The following STRN variants were observed in gnomAD, a reference collection of about 807,000 sequenced individuals.
The protein encoded by STRN is protein phosphatase 2 regulatory subunit B'''alpha.
STRN carries 53 observed loss-of-function variants against 96.3 expected under a neutral mutation model. That is an observed-to-expected ratio of 0.55 (90% CI 0.44 to 0.69). The LOEUF (loss-of-function observed/expected upper bound fraction) is 0.69. Ranked by LOEUF, STRN falls within the 30% of genes least tolerant of loss-of-function variation. The pLI is 0.00. For synonymous variants in STRN, 428 were observed against 355.9 expected (o/e 1.20, Z -2.28); for missense variants, 987 against 963.9 (o/e 1.02, Z -0.32).
intron 16 of STRN, among the ~76,000 whole-genome samples, chr2:36,850,019 G>A (rs1032456983): frequency 2.0e-5 from 3 of 152,100 alleles, no homozygotes; most frequent in Admixed American, 6.5e-5. Flanking sequence ...TTACACTTTT[G>A]TCTTTTAAGC....
intron 14 of STRN, among the ~76,000 whole-genome samples, chr2:36,855,881 C>G (rs1668332072): frequency 6.6e-6 from 1 of 151,882 alleles, no homozygotes; most frequent in Non-Finnish European, 1.5e-5. Context: ...TTTTATTTAC[C>G]ATCTAGAATA....
intron 1 of STRN, among the ~76,000 whole-genome samples, chr2:36,956,378 A>G (rs1287211428): frequency 6.6e-6 from 1 of 152,246 alleles, no homozygotes; most frequent in East Asian, 1.9e-4. Flanking sequence ...GAAAAATTGT[A>G]AAATGAAAGT....
chr2:36,890,723 A>T (rs1033638544), intron 7 of STRN, among the ~76,000 whole-genome samples: 4 of 152,036 alleles, frequency 2.6e-5, no homozygotes, highest in African/African-American at 7.2e-5. Context: ...ACCTCAGGTG[A>T]TCCACCCGCC....
intron 12 of STRN, among the ~76,000 whole-genome samples, chr2:36,863,342 G>T (rs1021447136): frequency 2.6e-5 from 4 of 152,038 alleles, no homozygotes; most frequent in African/African-American, 9.7e-5. Context: ...CGTCTGAATT[G>T]ATTTTTATAT....
rs1030704072 is a variant in STRN, at chr2:36,847,339, T to C, written c.*2117A>G. The C allele has an allele frequency of 4.6e-5, 7 of 152,150 alleles. No individual in the cohort carries two copies. Among genetic ancestry groups the C allele is most frequent in the Non-Finnish European group, 1.0e-4 (7 of 68,006 alleles). The allele number at this position is 152,150 out of a possible 1,614,324, so 9.4% of individuals were successfully genotyped here. On this transcript the variant is annotated 3_prime_UTR_variant, in exon 18 of 18. Transcript: ENST00000263918. ...AGGTAATTAATAACTGGTAGAACAA[T>C]AGCTTTGTGGTCATCCATCATAAAT...
intron 9 of STRN, 49 bp from the exon 10 acceptor site, chr2:36,878,076 C>T (rs750857555): frequency 6.3e-7 from 1 of 1,597,336 alleles, no homozygotes; most frequent in Non-Finnish European, 8.5e-7. Context: ...AAGGAGCCAA[C>T]ATTTAGTCTC....
At chr2:36,945,007 GTGTA>G (rs1670942867) in intron 1 of STRN, among the ~76,000 whole-genome samples, 1 of 152,140 alleles carries the variant, frequency 6.6e-6, no homozygotes, top group African/African-American at 2.4e-5. Flanking sequence ...GTCAAATCAA[GTGTA>G]TATATAGCCA....
intron 10 of STRN, among the ~76,000 whole-genome samples, chr2:36,877,054 AC>A (rs1668933913): frequency 6.6e-6 from 1 of 152,094 alleles, no homozygotes; most frequent in African/African-American, 2.4e-5. Context: ...AGCCCTATAA[AC>A]ACATTTATAA....
chr2:36,915,228 C>CATAA (rs1194516783), intron 3 of STRN, among the ~76,000 whole-genome samples: 1 of 65,294 alleles, frequency 1.5e-5, no homozygotes, highest in African/African-American at 4.8e-5. Flanking sequence ...AAACTGAATA[C>CATAA]ATAAATATAT....
At chr2:36,918,067 T>C (rs1243785543) in intron 2 of STRN, among the ~76,000 whole-genome samples, 4 of 152,164 alleles carry the variant, frequency 2.6e-5, no homozygotes, top group African/African-American at 9.6e-5. Context: ...GTTATTTGAT[T>C]AATTAACTAT....
chr2:36,960,023 T>C lies in STRN; in HGVS notation c.234+6207A>G, dbSNP rs185223397. Among the ~76,000 whole-genome samples the C allele has an allele frequency of 1.5e-4, 23 of 152,278 alleles. No homozygotes were observed. In the East Asian group the frequency reaches 4.0e-3, roughly 27 times the overall value. On this transcript the variant is annotated intron_variant, in intron 1 of 17. Coordinates refer to ENST00000263918, the MANE Select transcript of STRN (RefSeq NM_003162.4). Reference sequence around the variant, plus strand: ...AAGCCTCTATAACCTTTCTAAAATATAAAGATTATGAAATTATCAAGAATA... The same window carrying C: ...AAGCCTCTATAACCTTTCTAAAATACAAAGATTATGAAATTATCAAGAATA...
chr2:36,914,626 A>G (rs1008691811), intron 3 of STRN, among the ~76,000 whole-genome samples: 1 of 152,172 alleles, frequency 6.6e-6, no homozygotes, highest in African/African-American at 2.4e-5. Flanking sequence ...ACACTACTAC[A>G]CTGAATTAAC....
In STRN at chr2:36,869,951, CAATT is replaced by C. The variant is rs1266771045; in HGVS notation, c.1324-226_1324-223del. ...AAATATGAAAGGTGTATTACAAAAA[CAATT>C]AACATAATTCAATATAAAAAGTGAA... On this transcript the variant is annotated intron_variant, in intron 10 of 17. Transcript: ENST00000263918. 2.0e-5 allele frequency among the ~76,000 whole-genome samples: 3 copies of C among 152,006 alleles called. No homozygotes were observed. In the East Asian group the frequency reaches 5.8e-4, roughly 29 times the overall value.
intron 5 of STRN, among the ~76,000 whole-genome samples, chr2:36,900,092 T>C (rs1156382407): frequency 6.6e-6 from 1 of 152,162 alleles, no homozygotes; most frequent in African/African-American, 2.4e-5. Flanking sequence ...TTCCACTATG[T>C]TGCCCAAACT....
At chr2:36,887,300 A>AATAT (rs1427895658) in intron 7 of STRN, among the ~76,000 whole-genome samples, 1 of 149,862 alleles carries the variant, frequency 6.7e-6, no homozygotes, top group Non-Finnish European at 1.5e-5. Flanking sequence ...TAAATAAATA[A>AATAT]ATAAATAAAT....
chr2:36,947,864 C>A (rs1488437346), intron 1 of STRN, among the ~76,000 whole-genome samples: 1 of 151,532 alleles, frequency 6.6e-6, no homozygotes, highest in Non-Finnish European at 1.5e-5. Flanking sequence ...GTATTTTTTT[C>A]AAATATTTCT....
intron 1 of STRN, among the ~76,000 whole-genome samples, chr2:36,959,651 A>C (rs1225435665): frequency 6.6e-6 from 1 of 152,236 alleles, no homozygotes; most frequent in Non-Finnish European, 1.5e-5. Flanking sequence ...TAAAAATAAA[A>C]TGCTATCATC....
chr2:36,964,843 A>G (rs1270917385), intron 1 of STRN, among the ~76,000 whole-genome samples: 2 of 152,192 alleles, frequency 1.3e-5, no homozygotes, highest in Non-Finnish European at 2.9e-5. Flanking sequence ...CATAAACTCC[A>G]TGAGGGCAGA....
intron 1 of STRN, among the ~76,000 whole-genome samples, chr2:36,956,659 TTTTG>T (rs1401920932): frequency 1.3e-5 from 2 of 152,132 alleles, no homozygotes; most frequent in Admixed American, 6.5e-5. Flanking sequence ...TAGCAAAGGG[TTTTG>T]TTTGTTTTAA....
Sources: allele counts gnomAD v4.1 joint callset (sites outside exome capture counted in the v4.1 genomes callset), GRCh38; gene constraint gnomAD v4.1.1; transcripts MANE v1.5; gene names NCBI Gene and HGNC (gene_info 2026-07-23, HGNC 2026-07-21).